ADAMTS12: variants seen among roughly 807,000 people sequenced by gnomAD.
ADAMTS12 encodes A disintegrin and metalloproteinase with thrombospondin motifs 12.
A neutral mutation model predicts 167.8 loss-of-function variants in ADAMTS12; 118 were observed. That is an observed-to-expected ratio of 0.70 (90% CI 0.61 to 0.82). The LOEUF is 0.82. Ranked by LOEUF, ADAMTS12 falls within the 40% of genes least tolerant of loss-of-function variation. The probability of loss-of-function intolerance (pLI) is 0.00; values close to 1 mark genes in which losing one functional copy is unlikely to be tolerated. For synonymous variants in ADAMTS12, 704 were observed against 716.9 expected (o/e 0.98, Z 0.29); for missense variants, 1,916 against 1,998.8 (o/e 0.96, Z 0.79).
At chr5:33,831,876 T>C (rs942823041) in intron 2 of ADAMTS12, among the ~76,000 whole-genome samples, 1 of 152,226 alleles carries the variant, frequency 6.6e-6, no homozygotes, top group Non-Finnish European at 1.5e-5. Context: ...CCGAGGCCAC[T>C]GCAGAAGCTA....
chr5:33,596,138 C>T (rs10461704), intron 16 of ADAMTS12, 78 bp from the exon 17 acceptor site: 819,207 of 1,528,760 alleles, frequency 0.54, 222,063 homozygotes, highest in Middle Eastern at 0.63. Flanking sequence ...TACCTGACCA[C>T]GTCAACGATC....
chr5:33,671,687 A>C (rs1187279857), intron 5 of ADAMTS12, among the ~76,000 whole-genome samples: 2 of 151,976 alleles, frequency 1.3e-5, no homozygotes, highest in African/African-American at 4.8e-5. Flanking sequence ...GGGTAGGAAG[A>C]GCCCATGCAC....
intron 2 of ADAMTS12, among the ~76,000 whole-genome samples, chr5:33,813,711 A>G (rs1361892524): frequency 6.6e-6 from 1 of 152,218 alleles, no homozygotes; most frequent in Non-Finnish European, 1.5e-5. Flanking sequence ...TAACAGCTCC[A>G]GCTGGATTCC....
intron 17 of ADAMTS12, among the ~76,000 whole-genome samples, chr5:33,593,642 G>A (rs979041429): frequency 6.6e-6 from 1 of 151,950 alleles, no homozygotes; most frequent in Non-Finnish European, 1.5e-5. Context: ...AGAACACATG[G>A]ACACAGGGAG....
At chr5:33,596,848 A>C (rs529370877) in intron 16 of ADAMTS12, among the ~76,000 whole-genome samples, 2 of 152,190 alleles carry the variant, frequency 1.3e-5, no homozygotes, top group Admixed American at 6.5e-5. Context: ...TAATGTTGTG[A>C]AGTTTGAGAT....
chr5:33,576,088 C>G lies in ADAMTS12; in HGVS notation c.3938G>C (p.Gly1313Ala). Residue 1313 changes from glycine to alanine, a missense_variant, in exon 19 of 24, where the codon GGC becomes GCC. Physicochemically the swap from Gly to Ala is moderately conservative, Grantham distance 60 (BLOSUM62 0). Transcript: ENST00000504830. ...SNYKQLTNGHGSAHWIVGNWS... is the reference protein window; with the variant it reads ...SNYKQLTNGHASAHWIVGNWS... ...GTTTCCGACGATCCAGTGTGCAGAG[C>G]CGTGGCCGTTTGTGAGCTGCTTGTA... is the stretch of plus-strand genomic sequence containing the variant. 1 of 1,614,088 alleles carries G rather than the reference C, an allele frequency of 6.2e-7. No homozygotes were observed. The highest frequency in any genetic ancestry group is 1.1e-5 in the South Asian group (1 of 91,062).
intron 22 of ADAMTS12, among the ~76,000 whole-genome samples, chr5:33,544,457 A>G (rs575534510): frequency 2.0e-3 from 310 of 152,118 alleles, no homozygotes; most frequent in Non-Finnish European, 3.5e-3. Context: ...TATAGATTCA[A>G]TGCCATCCCC....
At position 33,668,903 on chromosome 5, in the gene ADAMTS12, T is replaced by C. The variant is rs1050956215; in HGVS notation, c.916-6863A>G. ...ATGACACAATCAAGTTCAGGGCAAATATCTTGATTCAATAGCAACTCAAGT... is the reference window on the plus strand; with the variant it reads ...ATGACACAATCAAGTTCAGGGCAAACATCTTGATTCAATAGCAACTCAAGT... On this transcript the variant is annotated intron_variant, in intron 5 of 23. Coordinates refer to ENST00000504830, the MANE Select transcript of ADAMTS12 (RefSeq NM_030955.4). Among the ~76,000 whole-genome samples the C allele has an allele frequency of 4.6e-5, 7 of 152,218 alleles. No homozygotes were observed. In the East Asian group the frequency reaches 5.8e-4, roughly 13 times the overall value.
intron 18 of ADAMTS12, among the ~76,000 whole-genome samples, chr5:33,581,476 T>C (rs904619821): frequency 2.6e-5 from 4 of 152,218 alleles, no homozygotes; most frequent in African/African-American, 7.2e-5. Flanking sequence ...AGGCTCACAA[T>C]TGGCACTGAG....
intron 2 of ADAMTS12, among the ~76,000 whole-genome samples, chr5:33,810,663 T>C (rs1747423770): frequency 1.3e-5 from 2 of 152,202 alleles, no homozygotes; most frequent in Non-Finnish European, 2.9e-5. Flanking sequence ...CTAAGAGTTC[T>C]GTGAGTACCA....
chr5:33,534,787 A>T (rs780815838), intron 23 of ADAMTS12, 46 bp downstream of exon 23: 2 of 1,572,158 alleles, frequency 1.3e-6, no homozygotes, highest in South Asian at 2.4e-5. Flanking sequence ...GCAGGATGAC[A>T]TTTGTGCAAA....
At position 33,639,598 on chromosome 5, in the gene ADAMTS12, C is replaced by T. The variant is rs144068172; in HGVS notation, c.1719-1852G>A. Among the ~76,000 whole-genome samples, 61 of 152,278 alleles carry T rather than the reference C, an allele frequency of 4.0e-4. No individual in the cohort carries two copies. In the East Asian group the frequency reaches 6.9e-3, roughly 17 times the overall value. Reference sequence around the variant, plus strand: ...AATCGTATTCCAGGGACACAGAAAGCTAGAACAGCTCCCCAAAGGACACAG... The same window carrying T: ...AATCGTATTCCAGGGACACAGAAAGTTAGAACAGCTCCCCAAAGGACACAG... On this transcript the variant is annotated intron_variant, in intron 11 of 23. Coordinates refer to ENST00000504830, the MANE Select transcript of ADAMTS12 (RefSeq NM_030955.4).
At chr5:33,694,441 A>G (rs1742677524) in intron 3 of ADAMTS12, among the ~76,000 whole-genome samples, 1 of 152,120 alleles carries the variant, frequency 6.6e-6, no homozygotes, top group Non-Finnish European at 1.5e-5. Flanking sequence ...AGAAAAGTAG[A>G]CCTAGGGAAA....
intron 1 of ADAMTS12, among the ~76,000 whole-genome samples, chr5:33,889,034 T>A (rs1463307769): frequency 6.6e-6 from 1 of 152,176 alleles, no homozygotes; most frequent in African/African-American, 2.4e-5. Flanking sequence ...TCTGAATCTG[T>A]CTCCAAATGT....
At chr5:33,570,303 C>T (rs1447676629) in intron 19 of ADAMTS12, among the ~76,000 whole-genome samples, 1 of 152,054 alleles carries the variant, frequency 6.6e-6, no homozygotes, top group African/African-American at 2.4e-5. Context: ...GTCAGATTCA[C>T]CAAAGTTGAA....
chr5:33,852,362 C>T (rs549343658), intron 2 of ADAMTS12, among the ~76,000 whole-genome samples: 1 of 152,256 alleles, frequency 6.6e-6, no homozygotes, highest in Non-Finnish European at 1.5e-5. Flanking sequence ...CACTAAGAGA[C>T]TGAAAGTTGT....
At chr5:33,804,328 T>C (rs924790852) in intron 2 of ADAMTS12, among the ~76,000 whole-genome samples, 1 of 152,224 alleles carries the variant, frequency 6.6e-6, no homozygotes, top group Non-Finnish European at 1.5e-5. Flanking sequence ...AAGCTATGAT[T>C]GCACAGTGGT....
intron 5 of ADAMTS12, among the ~76,000 whole-genome samples, chr5:33,678,715 T>G (rs190186396): frequency 1.3e-4 from 20 of 152,238 alleles, no homozygotes; most frequent in South Asian, 2.1e-4. Flanking sequence ...AGAAAACCAC[T>G]GGACTAAACG....
At chr5:33,705,897 T>C (rs1743185403) in intron 3 of ADAMTS12, among the ~76,000 whole-genome samples, 1 of 151,956 alleles carries the variant, frequency 6.6e-6, no homozygotes, top group Non-Finnish European at 1.5e-5. Flanking sequence ...ACAAAAAATA[T>C]AACATATCTA....
Sources: allele counts gnomAD v4.1 joint callset (sites outside exome capture counted in the v4.1 genomes callset), GRCh38; gene constraint gnomAD v4.1.1; transcripts MANE v1.5; gene names NCBI Gene and HGNC (gene_info 2026-07-23, HGNC 2026-07-21).